DAPK2: variants seen among roughly 807,000 people sequenced by gnomAD.
DAPK2 encodes the protein death-associated protein kinase 2.
DAPK2 carries 35 observed loss-of-function variants against 44.1 expected under a neutral mutation model. That is an observed-to-expected ratio of 0.79 (90% CI 0.61 to 1.05). The LOEUF (loss-of-function observed/expected upper bound fraction) is 1.05. Ranked by LOEUF, DAPK2 falls within the 50% of genes least tolerant of loss-of-function variation. The probability of loss-of-function intolerance (pLI) is 0.00; values close to 1 mark genes in which losing one functional copy is unlikely to be tolerated. For synonymous variants in DAPK2, 174 were observed against 182.6 expected (o/e 0.95, Z 0.38); for missense variants, 453 against 483.2 (o/e 0.94, Z 0.59).
chr15:64,023,426 G>A (rs1208146207), intron 1 of DAPK2, among the ~76,000 whole-genome samples: 1 of 152,230 alleles, frequency 6.6e-6, no homozygotes, highest in Non-Finnish European at 1.5e-5. Flanking sequence ...ACACACACAC[G>A]GTGGGGGAAG....
intron 3 of DAPK2, among the ~76,000 whole-genome samples, chr15:63,957,928 C>T (rs1353765778): frequency 6.6e-6 from 1 of 152,156 alleles, no homozygotes; most frequent in African/African-American, 2.4e-5. Context: ...TGAGGAATCG[C>T]CACACTGTCT....
At chr15:63,968,923 A>G (rs986196262) in intron 3 of DAPK2, among the ~76,000 whole-genome samples, 6 of 152,234 alleles carry the variant, frequency 3.9e-5, no homozygotes, top group Non-Finnish European at 8.8e-5. Context: ...TCCTGGAGCC[A>G]GCAAAGACAC....
chr15:63,911,582 TG>T (rs1465577518), intron 10 of DAPK2: 17 of 350,626 alleles, frequency 4.8e-5, no homozygotes, highest in Non-Finnish European at 7.3e-5. Context: ...AAGCAGCTTT[TG>T]GGTTATCAGA....
chr15:64,031,193 G>A (rs1381864006), intron 1 of DAPK2, among the ~76,000 whole-genome samples: 1 of 151,966 alleles, frequency 6.6e-6, no homozygotes, highest in Admixed American at 6.6e-5. Context: ...TTCTGAAAGG[G>A]CAGGAAGTAC....
chr15:63,941,734 C>A (rs1422353887), intron 3 of DAPK2, among the ~76,000 whole-genome samples: 1 of 151,994 alleles, frequency 6.6e-6, no homozygotes, highest in African/African-American at 2.4e-5. Flanking sequence ...AAAATGTGTC[C>A]AAGTCTCCCC....
chr15:63,920,014 A>C (rs1009124924), intron 8 of DAPK2: 3 of 152,210 alleles, frequency 2.0e-5, no homozygotes, highest in Non-Finnish European at 4.4e-5. Flanking sequence ...TCTCTGGGGT[A>C]AGATGTAGGA....
At chr15:63,956,540 G>T (rs1366900807) in intron 3 of DAPK2, among the ~76,000 whole-genome samples, 2 of 150,234 alleles carry the variant, frequency 1.3e-5, no homozygotes, top group African/African-American at 4.9e-5. Context: ...TTATTTTTCA[G>T]TTTTTTTCCA....
At position 63,923,308 on chromosome 15, in the gene DAPK2, C is replaced by T. The variant is rs982011028; in HGVS notation, c.858+1508G>A. 1 of 1,535,846 alleles carries T rather than the reference C, an allele frequency of 6.5e-7. No individual in the cohort carries two copies. Among genetic ancestry groups the T allele is most frequent in the Non-Finnish European group, 8.7e-7 (1 of 1,146,712 alleles). On this transcript the variant is annotated intron_variant, in intron 8 of 10. Transcript: ENST00000261891. This position sits in a 1 kb window ranked among gnomAD's most constrained non-coding sequence, Gnocchi z 4.2. ...TGGTCTTCAGCTGGGTGGGCTCTGT[C>T]TTCCGCTGTTCAGGGGCTCTGCCTT... is the stretch of plus-strand genomic sequence containing the variant.
At position 63,966,558 on chromosome 15, in the gene DAPK2, A is replaced by G. The variant is rs117460152; in HGVS notation, c.453+4865T>C. ...TCCGTTCAAGTTTACTTAGAAACCC[A>G]GAGCACTTTAGTCTGCAGTGGTGAG... On this transcript the variant is annotated intron_variant, in intron 3 of 10. Coordinates refer to ENST00000261891, the Ensembl canonical transcript of DAPK2. The surrounding 1 kb of genome is among the most constrained non-coding windows in gnomAD (Gnocchi z 5.5). Among the ~76,000 whole-genome samples, 5,442 of 152,328 alleles carry G rather than the reference A, an allele frequency of 0.036. 119 individuals carry two copies. Among genetic ancestry groups the G allele is most frequent in the South Asian group, 0.091 (437 of 4,824 alleles).
intron 1 of DAPK2, among the ~76,000 whole-genome samples, chr15:64,012,079 A>T (rs2079403448): frequency 6.6e-6 from 1 of 152,230 alleles, no homozygotes; most frequent in Admixed American, 6.5e-5. Context: ...CAGTTGCAAG[A>T]ACACACTGCA....
intron 3 of DAPK2, among the ~76,000 whole-genome samples, chr15:63,949,472 C>G (rs1293829704): frequency 6.6e-6 from 1 of 152,164 alleles, no homozygotes; most frequent in East Asian, 1.9e-4. Context: ...TTTATCAGAC[C>G]CTCAAAGCCA....
At chr15:63,978,229 G>T (rs1333865736) in intron 2 of DAPK2, among the ~76,000 whole-genome samples, 2 of 152,198 alleles carry the variant, frequency 1.3e-5, no homozygotes, top group African/African-American at 4.8e-5. Flanking sequence ...TTTCACATCT[G>T]CAGTGCCCCC....
chr15:63,974,221 C>T (rs2078287110), intron 2 of DAPK2, among the ~76,000 whole-genome samples: 1 of 152,092 alleles, frequency 6.6e-6, no homozygotes, highest in Non-Finnish European at 1.5e-5. Context: ...CTTATTTATC[C>T]TGTCAACAAA....
intron 1 of DAPK2, among the ~76,000 whole-genome samples, chr15:64,032,088 G>A (rs1026511085): frequency 3.9e-5 from 6 of 152,178 alleles, no homozygotes; most frequent in African/African-American, 7.2e-5. Flanking sequence ...GGCCTGGGCT[G>A]GACACCACAG....
intron 1 of DAPK2, among the ~76,000 whole-genome samples, chr15:63,997,624 C>A (rs979913643): frequency 2.0e-5 from 3 of 152,196 alleles, no homozygotes; most frequent in Non-Finnish European, 2.9e-5. Context: ...AGCCACCATG[C>A]CCGGCCTTTG....
chr15:63,982,319 T>C (rs1350981827), intron 2 of DAPK2, among the ~76,000 whole-genome samples: 1 of 151,168 alleles, frequency 6.6e-6, no homozygotes, highest in Non-Finnish European at 1.5e-5. Flanking sequence ...GCCTCCCGAG[T>C]AGCTGGGATT....
At chr15:63,970,774 GT>G (rs2078191236) in intron 3 of DAPK2, among the ~76,000 whole-genome samples, 1 of 152,210 alleles carries the variant, frequency 6.6e-6, no homozygotes, top group Non-Finnish European at 1.5e-5. Context: ...ACTGAGCTCA[GT>G]TACTAAGGGA....
chr15:63,969,049 C>T (rs2078134849), intron 3 of DAPK2, among the ~76,000 whole-genome samples: 2 of 152,206 alleles, frequency 1.3e-5, no homozygotes. Context: ...CCAGGCCTCA[C>T]CATCCTTGGT....
intron 1 of DAPK2, among the ~76,000 whole-genome samples, chr15:64,036,151 C>T (rs1472642428): frequency 6.6e-6 from 1 of 150,970 alleles, no homozygotes; most frequent in Non-Finnish European, 1.5e-5. Flanking sequence ...GTCCCAGCTA[C>T]TCAGGAGGCT....
Sources: allele counts gnomAD v4.1 joint callset (sites outside exome capture counted in the v4.1 genomes callset), GRCh38; gene constraint gnomAD v4.1.1; non-coding constraint Gnocchi (gnomAD v3.1); transcripts MANE v1.5; gene names NCBI Gene and HGNC (gene_info 2026-07-23, HGNC 2026-07-21).